Variants in BMERB1 observed in about 807,000 individuals in gnomAD.
BMERB1 encodes bMERB domain containing 1, also known as bMERB domain-containing protein 1.
In BMERB1, 12 loss-of-function variants were observed where a neutral mutation model predicts 23.6. That is an observed-to-expected ratio of 0.51 (90% CI 0.33 to 0.82). BMERB1 has a LOEUF of 0.82. Among genes scored for constraint, BMERB1 ranks in the 40% least tolerant of loss-of-function variants. The probability of loss-of-function intolerance (pLI) is 0.03; values close to 1 mark genes in which losing one functional copy is unlikely to be tolerated. For missense variants in BMERB1, 247 were observed against 255.4 expected (o/e 0.97, Z 0.22); for synonymous variants, 122 against 96.6 (o/e 1.26, Z -1.54).
At chr16:15,564,217 T>C (rs2030504981) in intron 2 of BMERB1, among the ~76,000 whole-genome samples, 1 of 152,250 alleles carries the variant, frequency 6.6e-6, no homozygotes, top group Non-Finnish European at 1.5e-5. Context: ...TTCTAAATGT[T>C]GGGGGAAATG....
intron 1 of BMERB1, among the ~76,000 whole-genome samples, chr16:15,483,908 T>A (rs987913847): frequency 2.6e-5 from 4 of 152,220 alleles, no homozygotes; most frequent in Non-Finnish European, 5.9e-5. Flanking sequence ...GGGTAATTTA[T>A]AAATAAAAGA....
At chr16:15,583,775 C>T (rs1276401657) in intron 5 of BMERB1, among the ~76,000 whole-genome samples, 2 of 152,118 alleles carry the variant, frequency 1.3e-5, no homozygotes, top group Non-Finnish European at 1.5e-5. Flanking sequence ...TAGGCAGTTG[C>T]CTGGGGCCTC....
At chr16:15,480,316 G>A (rs914299714) in intron 1 of BMERB1, among the ~76,000 whole-genome samples, 3 of 151,688 alleles carry the variant, frequency 2.0e-5, no homozygotes, top group Non-Finnish European at 2.9e-5. Flanking sequence ...GGGATTCACC[G>A]TGTTAGCCAG....
chr16:15,454,505 C>T (rs2051067300), intron 1 of BMERB1, among the ~76,000 whole-genome samples: 1 of 152,076 alleles, frequency 6.6e-6, no homozygotes, highest in African/African-American at 2.4e-5. Context: ...AAAATGCAAT[C>T]ATTAGGGCTG....
intron 1 of BMERB1, among the ~76,000 whole-genome samples, chr16:15,452,705 A>G (rs1371093110): frequency 6.6e-6 from 1 of 151,972 alleles, no homozygotes; most frequent in Non-Finnish European, 1.5e-5. Flanking sequence ...GGGCAAGGGA[A>G]CCTCTCCAGT....
At chr16:15,563,497 G>A (rs1050578976) in intron 2 of BMERB1, among the ~76,000 whole-genome samples, 1 of 152,000 alleles carries the variant, frequency 6.6e-6, no homozygotes, top group African/African-American at 2.4e-5. Flanking sequence ...GGGATTACAG[G>A]TATGAGCCAC....
chr16:15,501,356 G>C (rs1229540109), intron 1 of BMERB1, among the ~76,000 whole-genome samples: 3 of 136,812 alleles, frequency 2.2e-5, no homozygotes, highest in African/African-American at 5.6e-5. Context: ...GCAGTGACTC[G>C]ATCTTGGCTC....
chr16:15,436,527 G>A (rs925976056), intron 1 of BMERB1, among the ~76,000 whole-genome samples: 4 of 152,050 alleles, frequency 2.6e-5, no homozygotes, highest in African/African-American at 7.2e-5. Context: ...CCAAAGTGCC[G>A]GGATTACAGG....
intron 1 of BMERB1, among the ~76,000 whole-genome samples, chr16:15,509,622 T>G (rs1212085797): frequency 2.0e-5 from 3 of 152,158 alleles, no homozygotes; most frequent in Non-Finnish European, 4.4e-5. Context: ...AGCTGTTTTT[T>G]GCCAGACCCC....
At chr16:15,529,697 C>T (rs1335814295) in intron 2 of BMERB1, among the ~76,000 whole-genome samples, 1 of 152,124 alleles carries the variant, frequency 6.6e-6, no homozygotes, top group Non-Finnish European at 1.5e-5. Flanking sequence ...AATGAGGGCT[C>T]ATCTTCCTGC....
In BMERB1 at chr16:15,462,843, T is replaced by G. The variant is rs1421398062; in HGVS notation, c.106+28084T>G. ...GACTCAGGTTATTGATTTGAAAGAT[T>G]AGTCAGTGGAGACATGTGCTGGACT... On this transcript the variant is annotated intron_variant, in intron 1 of 5. Transcript: ENST00000300006. Among the ~76,000 whole-genome samples, 3 of 152,266 alleles carry G rather than the reference T, an allele frequency of 2.0e-5. No individual in the cohort carries two copies. The East Asian group carries it at 5.8e-4, about 29-fold the overall frequency.
chr16:15,518,434 C>T (rs2051801946), intron 2 of BMERB1, among the ~76,000 whole-genome samples: 1 of 152,152 alleles, frequency 6.6e-6, no homozygotes, highest in South Asian at 2.1e-4. Context: ...GTAGCTTGCC[C>T]AGTGGTGCAC....
intron 1 of BMERB1, among the ~76,000 whole-genome samples, chr16:15,472,411 T>C (rs1336894032): frequency 6.6e-6 from 1 of 152,220 alleles, no homozygotes; most frequent in African/African-American, 2.4e-5. Flanking sequence ...TGAATCTTTG[T>C]TTCATGCATC....
intron 5 of BMERB1, among the ~76,000 whole-genome samples, chr16:15,584,463 CAGG>C (rs2031091897): frequency 6.6e-6 from 1 of 150,846 alleles, no homozygotes; most frequent in Admixed American, 6.6e-5. Flanking sequence ...GAAGCTGAGG[CAGG>C]AGAATGGCGT....
intron 2 of BMERB1, among the ~76,000 whole-genome samples, chr16:15,540,526 A>T (rs762581224): frequency 5.3e-5 from 8 of 152,094 alleles, no homozygotes; most frequent in Admixed American, 2.0e-4. Context: ...ACCCTGTCTC[A>T]AATAATAATA....
chr16:15,453,872 CA>C (rs1366110878), intron 1 of BMERB1, among the ~76,000 whole-genome samples: 1 of 151,992 alleles, frequency 6.6e-6, no homozygotes, highest in Non-Finnish European at 1.5e-5. Flanking sequence ...AACTCTGTCT[CA>C]AAAATAAAAT....
chr16:15,484,922 C>T (rs1055664792), intron 1 of BMERB1, among the ~76,000 whole-genome samples: 2 of 152,188 alleles, frequency 1.3e-5, no homozygotes, highest in Non-Finnish European at 2.9e-5. Flanking sequence ...CCATATCCAG[C>T]GTGGCTGGAT....
chr16:15,562,957 G>T (rs536373688), intron 2 of BMERB1, among the ~76,000 whole-genome samples: 1 of 152,318 alleles, frequency 6.6e-6, no homozygotes, highest in East Asian at 1.9e-4. Context: ...TCCTGAAACT[G>T]GGATGCTGGC....
intron 1 of BMERB1, among the ~76,000 whole-genome samples, chr16:15,475,318 CAG>C (rs901465051): frequency 3.3e-5 from 5 of 152,104 alleles, no homozygotes; most frequent in Admixed American, 3.3e-4. Context: ...TGCACAAAGT[CAG>C]AGGACAGTCC....
Sources: gnomAD v4.1 joint callset for allele counts (sites outside exome capture counted in the v4.1 genomes callset) on GRCh38, gnomAD v4.1.1 for gene constraint, MANE v1.5 for transcripts, NCBI Gene and HGNC (gene_info 2026-07-23, HGNC 2026-07-21) for gene names.